Variants in FRY observed in about 807,000 individuals in gnomAD.
FRY encodes protein furry homolog.
A neutral mutation model predicts 348.4 loss-of-function variants in FRY; 128 were observed. The ratio of observed to expected loss-of-function variants is 0.37; its 90% CI spans 0.32 to 0.43. The LOEUF is 0.43. Among genes scored for constraint, FRY ranks in the 20% least tolerant of loss-of-function variants. The pLI is 1.00. For synonymous variants in FRY, 1,370 were observed against 1,374.7 expected (o/e 1.00, Z 0.08); for missense variants, 2,736 against 3,695.2 (o/e 0.74, Z 6.73).
chr13:32,292,361 C>A (rs1275653920), intron 59 of FRY, among the ~76,000 whole-genome samples: 2 of 152,108 alleles, frequency 1.3e-5, no homozygotes, highest in African/African-American at 4.8e-5. Context: ...AAAAGTTTTA[C>A]AATATTACAT....
intron 1 of FRY, chr13:32,038,674 C>G (rs1239641534): frequency 6.6e-6 from 1 of 152,188 alleles, no homozygotes; most frequent in African/African-American, 2.4e-5. Flanking sequence ...TTTCTTTGAG[C>G]TGAAAAGGTT....
intron 36 of FRY, 82 bp from the exon 37 acceptor site, chr13:32,224,153 A>G: frequency 5.4e-6 from 7 of 1,294,136 alleles, no homozygotes; most frequent in Non-Finnish European, 5.6e-6. Context: ...ACATTTTTAA[A>G]ATTTATTCTG....
chr13:32,268,504 AAATATATATATATAT>A (rs1473427229), intron 55 of FRY, among the ~76,000 whole-genome samples: 28 of 16,296 alleles, frequency 1.7e-3, no homozygotes, highest in African/African-American at 4.7e-3. Flanking sequence ...AAAAAAAAAA[AAATATATATATATAT>A]ATATATATAT....
intron 1 of FRY, among the ~76,000 whole-genome samples, chr13:32,038,095 G>A (rs1872608928): frequency 6.6e-6 from 1 of 152,168 alleles, no homozygotes; most frequent in African/African-American, 2.4e-5. Flanking sequence ...GTATTAATTA[G>A]CTAGTTTCTT....
At chr13:32,175,052 C>T (rs558948152) in intron 19 of FRY, among the ~76,000 whole-genome samples, 1 of 152,224 alleles carries the variant, frequency 6.6e-6, no homozygotes, top group East Asian at 1.9e-4. Flanking sequence ...TAGTTACATA[C>T]TATGTAGATA....
At chr13:32,170,040 A>T (rs950569662) in intron 17 of FRY, among the ~76,000 whole-genome samples, 12 of 152,144 alleles carry the variant, frequency 7.9e-5, no homozygotes, top group African/African-American at 2.9e-4. Context: ...GCTTCTACCC[A>T]CTAGAGAAAT....
intron 29 of FRY, among the ~76,000 whole-genome samples, chr13:32,196,778 C>T (rs73446719): frequency 0.013 from 2,003 of 152,190 alleles, 48 homozygotes; most frequent in African/African-American, 0.045. Flanking sequence ...TTTCATAAAA[C>T]ATGTTAATAT....
chr13:32,244,395 G>A (rs1209252695), intron 47 of FRY, among the ~76,000 whole-genome samples: 1 of 152,168 alleles, frequency 6.6e-6, no homozygotes, highest in Non-Finnish European at 1.5e-5. Flanking sequence ...ACACTCCGGT[G>A]CCTTTAAAAG....
intron 2 of FRY, among the ~76,000 whole-genome samples, chr13:32,089,982 T>C (rs1268029650): frequency 6.6e-6 from 1 of 151,864 alleles, no homozygotes; most frequent in Admixed American, 6.6e-5. Flanking sequence ...TGAAGACATT[T>C]TGAATAGGAG....
chr13:32,106,696 T>C (rs1056366219), intron 3 of FRY, among the ~76,000 whole-genome samples: 1 of 152,222 alleles, frequency 6.6e-6, no homozygotes, highest in East Asian at 1.9e-4. Context: ...TGGCCACATC[T>C]AGCTATAAGA....
chr13:32,105,622 G>A lies in FRY; in HGVS notation c.324+3606G>A, dbSNP rs199518236. On this transcript the variant is annotated intron_variant, in intron 3 of 60. Transcript: ENST00000542859. ...CCACAGAAGTCTGTCTATGGGAAAAGAATATGCTGGAGATGCCACCTTGAG... is the reference window on the plus strand; with the variant it reads ...CCACAGAAGTCTGTCTATGGGAAAAAAATATGCTGGAGATGCCACCTTGAG... 1.2e-4 allele frequency among the ~76,000 whole-genome samples: 19 copies of A among 152,320 alleles called. No homozygotes were observed. In the East Asian group the frequency reaches 2.7e-3, roughly 22 times the overall value.
Position 32,131,899 on chromosome 13 carries a change from A to G in FRY, c.885+59A>G. The stretch of plus-strand genomic sequence containing the variant: ...CAACTTGAGCACTTCCCTTCCTCAA[A>G]ATGATGAACCTGGAACATGAAAAGC... On this transcript the variant is annotated intron_variant, in intron 8 of 60. Coordinates refer to ENST00000542859, the MANE Select transcript of FRY (RefSeq NM_023037.3). 28 of 1,296,820 alleles carry G rather than the reference A, an allele frequency of 2.2e-5. No homozygotes were observed. In the South Asian group the frequency reaches 3.0e-4, roughly 14 times the overall value. 80.3% of individuals were successfully genotyped at this position (1,296,820 alleles called of 1,614,324 possible). A position where few individuals can be genotyped will look rare whatever the true frequency, so the allele number is the denominator to read the frequency against.
intron 2 of FRY, among the ~76,000 whole-genome samples, chr13:32,098,458 T>C (rs1876915872): frequency 1.3e-5 from 2 of 151,976 alleles, no homozygotes. Context: ...CACTCATGAA[T>C]GTGTAATTGC....
At chr13:32,294,876 T>C (rs1889557654) in intron 60 of FRY, among the ~76,000 whole-genome samples, 1 of 152,232 alleles carries the variant, frequency 6.6e-6, no homozygotes, top group Admixed American at 6.5e-5. Context: ...TACATTCTGA[T>C]ATTGTATTCA....
At chr13:32,126,644 A>T (rs1593642926) in intron 7 of FRY, among the ~76,000 whole-genome samples, 1 of 152,208 alleles carries the variant, frequency 6.6e-6, no homozygotes, top group African/African-American at 2.4e-5. Flanking sequence ...ATAGCCCTTG[A>T]TGTGTTCTCA....
At chr13:32,190,494 A>G (rs929571412) in intron 28 of FRY, among the ~76,000 whole-genome samples, 2 of 152,150 alleles carry the variant, frequency 1.3e-5, no homozygotes, top group South Asian at 4.1e-4. Flanking sequence ...ATTAAAAATC[A>G]ATTATATTTC....
chr13:32,238,796 T>C (rs1316015711), intron 44 of FRY, among the ~76,000 whole-genome samples: 1 of 152,228 alleles, frequency 6.6e-6, no homozygotes, highest in Non-Finnish European at 1.5e-5. Context: ...AGAATTCATT[T>C]CATGAAGCTA....
chr13:32,031,999 C>CTTTCTT (rs1555245473), intron 1 of FRY, 134 bp downstream of exon 1: 14,341 of 618,134 alleles, frequency 0.023, 309 homozygotes, highest in Admixed American at 0.053. Flanking sequence ...CTTTTCTTTT[C>CTTTCTT]TCTTTCTTTC....
intron 1 of FRY, among the ~76,000 whole-genome samples, chr13:32,047,586 G>GT (rs1304293084): frequency 7.4e-5 from 11 of 148,778 alleles, no homozygotes; most frequent in African/African-American, 1.5e-4. Context: ...TTTTTTGGGG[G>GT]GGGTGCAGAG....
Sources: gnomAD v4.1 joint callset for allele counts (sites outside exome capture counted in the v4.1 genomes callset) on GRCh38, gnomAD v4.1.1 for gene constraint, MANE v1.5 for transcripts, NCBI Gene and HGNC (gene_info 2026-07-23, HGNC 2026-07-21) for gene names.